FMNL2: variants seen among roughly 807,000 people sequenced by gnomAD.
FMNL2 encodes formin like 2.
A neutral mutation model predicts 130.2 loss-of-function variants in FMNL2; 51 were observed. That is an observed-to-expected ratio of 0.39 (90% confidence interval 0.31 to 0.49). The LOEUF is 0.49. FMNL2 is among the 20% of genes least tolerant of loss of function. FMNL2 has a pLI of 0.85. For synonymous variants in FMNL2, 465 were observed against 467.1 expected (o/e 1.00, Z 0.06); for missense variants, 977 against 1,316.2 (o/e 0.74, Z 3.99).
intron 1 of FMNL2, among the ~76,000 whole-genome samples, chr2:152,366,049 A>T (rs1200743114): frequency 6.6e-6 from 1 of 152,142 alleles, no homozygotes; most frequent in Non-Finnish European, 1.5e-5. Context: ...TCCCAGGTTT[A>T]GAGCCCTTGA....
chr2:152,639,975 T>C lies in FMNL2; in HGVS notation c.2964T>C (p.Asn988=). ...TTACCCAGCAAGCAGAAGAGGAAAA[T>C]GAGCTGAGGAAAAAGCAGGAACAAG... ...VKAYKQAEEE[N]ELRKKQEQAL... Residue 988 remains asparagine, a synonymous_variant, in exon 24 of 26, where the codon AAT becomes AAC. Coordinates refer to ENST00000288670, the MANE Select transcript of FMNL2 (RefSeq NM_052905.4). The C allele has an allele frequency of 6.4e-7, 1 of 1,557,706 alleles. No homozygotes were observed. The highest frequency in any genetic ancestry group is 1.2e-5 in the South Asian group (1 of 84,074).
chr2:152,449,014 C>G (rs1579689630), intron 1 of FMNL2, among the ~76,000 whole-genome samples: 2 of 152,322 alleles, frequency 1.3e-5, no homozygotes, highest in East Asian at 1.9e-4. Flanking sequence ...GTCTAATTGT[C>G]TGTTGGTTAA....
chr2:152,395,680 A>G (rs1685351964), intron 1 of FMNL2, among the ~76,000 whole-genome samples: 1 of 152,282 alleles, frequency 6.6e-6, no homozygotes, highest in African/African-American at 2.4e-5. Context: ...AAAAATCAGC[A>G]GGCTCACATG....
chr2:152,506,705 C>T (rs1692192339), intron 1 of FMNL2, among the ~76,000 whole-genome samples: 1 of 152,078 alleles, frequency 6.6e-6, no homozygotes, highest in Admixed American at 6.5e-5. Context: ...TTTAGTGTCT[C>T]AAAAATTTTC....
At chr2:152,641,726 CATATCCA>C (rs1683100047) in intron 25 of FMNL2, among the ~76,000 whole-genome samples, 1 of 152,160 alleles carries the variant, frequency 6.6e-6, no homozygotes, top group Non-Finnish European at 1.5e-5. Flanking sequence ...TACCTACCCC[CATATCCA>C]ACCCTTGACA....
At chr2:152,443,830 G>A (rs904985103) in intron 1 of FMNL2, among the ~76,000 whole-genome samples, 3 of 151,992 alleles carry the variant, frequency 2.0e-5, no homozygotes, top group Admixed American at 6.6e-5. Context: ...GCAACAGAGC[G>A]AGAGACTCCA....
At chr2:152,635,601 C>A (rs1320542095) in intron 21 of FMNL2, among the ~76,000 whole-genome samples, 1 of 152,216 alleles carries the variant, frequency 6.6e-6, no homozygotes, top group East Asian at 1.9e-4. Context: ...TCAGCAAATA[C>A]TGCAGTTACT....
intron 9 of FMNL2, among the ~76,000 whole-genome samples, chr2:152,588,051 G>A (rs1697184544): frequency 6.6e-6 from 1 of 152,216 alleles, no homozygotes; most frequent in Admixed American, 6.5e-5. Flanking sequence ...GGGTGAACAA[G>A]GTTAACCAGG....
chr2:152,430,867 G>A (rs1363224465), intron 1 of FMNL2, among the ~76,000 whole-genome samples: 2 of 150,432 alleles, frequency 1.3e-5, no homozygotes, highest in Non-Finnish European at 3.0e-5. Flanking sequence ...AGTGAGACTT[G>A]GTCTCGAAAA....
intron 1 of FMNL2, among the ~76,000 whole-genome samples, chr2:152,513,640 G>A (rs1358635276): frequency 6.6e-6 from 1 of 152,162 alleles, no homozygotes; most frequent in African/African-American, 2.4e-5. Flanking sequence ...AAGAAAGCAA[G>A]CCTTCTAAGA....
At chr2:152,587,108 C>T (rs191298736) in intron 9 of FMNL2, among the ~76,000 whole-genome samples, 2 of 152,308 alleles carry the variant, frequency 1.3e-5, no homozygotes, top group Admixed American at 1.3e-4. Flanking sequence ...GGGCTTCTCA[C>T]AGCATAGCAT....
chr2:152,619,212 C>T (rs1699107146), intron 14 of FMNL2, 54 bp downstream of exon 14: 1 of 1,494,256 alleles, frequency 6.7e-7, no homozygotes, highest in Non-Finnish European at 8.9e-7. Flanking sequence ...TGTATTTCTT[C>T]TTTTGCCAAC....
intron 1 of FMNL2, among the ~76,000 whole-genome samples, chr2:152,446,901 A>C (rs1301738242): frequency 6.6e-6 from 1 of 152,174 alleles, no homozygotes; most frequent in East Asian, 1.9e-4. Flanking sequence ...GACAAAGGCA[A>C]AGATTTTATA....
intron 20 of FMNL2, 71 bp from the exon 21 acceptor site, chr2:152,631,937 C>A (rs58280756): frequency 4.7e-6 from 7 of 1,502,606 alleles, no homozygotes. Flanking sequence ...GGTGGGAAAT[C>A]GTCACCTGAG....
chr2:152,491,781 T>A (rs1037327630), intron 1 of FMNL2, among the ~76,000 whole-genome samples: 3 of 152,100 alleles, frequency 2.0e-5, no homozygotes, highest in Non-Finnish European at 4.4e-5. Context: ...TGAAACCTCA[T>A]CTCTACTAAA....
intron 1 of FMNL2, among the ~76,000 whole-genome samples, chr2:152,353,250 A>T (rs1292730901): frequency 6.6e-6 from 1 of 152,216 alleles, no homozygotes; most frequent in African/African-American, 2.4e-5. Context: ...ATAAATCTAG[A>T]CAACTTACTT....
chr2:152,622,957 C>A (rs1195596863), intron 15 of FMNL2, among the ~76,000 whole-genome samples: 3 of 152,072 alleles, frequency 2.0e-5, no homozygotes, highest in Non-Finnish European at 2.9e-5. Flanking sequence ...GAGCACTCAC[C>A]CGCCTTTAGC....
chr2:152,643,369 G>A (rs1233861683), intron 25 of FMNL2: 12 of 1,534,722 alleles, frequency 7.8e-6, no homozygotes, highest in Non-Finnish European at 1.0e-5. Flanking sequence ...ATAGATCTTG[G>A]CTTTTTATTC....
intron 1 of FMNL2, among the ~76,000 whole-genome samples, chr2:152,488,182 T>G (rs1469524998): frequency 6.6e-6 from 1 of 152,240 alleles, no homozygotes; most frequent in Non-Finnish European, 1.5e-5. Flanking sequence ...CTGTTGGGGT[T>G]TGTGATTTAT....
Sources: gnomAD v4.1 joint callset for allele counts (sites outside exome capture counted in the v4.1 genomes callset) on GRCh38, gnomAD v4.1.1 for gene constraint, MANE v1.5 for transcripts, NCBI Gene and HGNC (gene_info 2026-07-23, HGNC 2026-07-21) for gene names.